The following FBN2 variants were observed in gnomAD, a reference collection of about 807,000 sequenced individuals.
FBN2 encodes the protein fibrillin 2.
A neutral mutation model predicts 355.6 loss-of-function variants in FBN2; 105 were observed. The ratio of observed to expected loss-of-function variants is 0.30; its 90% confidence interval spans 0.25 to 0.35. The LOEUF is 0.35. Ranked by LOEUF, FBN2 falls within the 10% of genes least tolerant of loss-of-function variation. FBN2 has a pLI of 1.00. For missense variants in FBN2, 3,280 were observed against 3,758.7 expected (o/e 0.87, Z 3.33); for synonymous variants, 1,350 against 1,301.2 (o/e 1.04, Z -0.81).
At chr5:128,412,991 G>C (rs1211462805) in intron 7 of FBN2, among the ~76,000 whole-genome samples, 1 of 152,168 alleles carries the variant, frequency 6.6e-6, no homozygotes, top group Non-Finnish European at 1.5e-5. Context: ...CTACTATTTT[G>C]ATTGACAAGG....
At position 128,350,864 on chromosome 5, in the gene FBN2, C is replaced by T. The variant is rs1751336167; in HGVS notation, c.2812+4G>A. The T allele has an allele frequency of 2.5e-6, 4 of 1,613,986 alleles. No individual in the cohort carries two copies. In the African/African-American group the frequency reaches 4.0e-5, roughly 16 times the overall value. ...AGCCCAGAAGCTCCCAATAAGGCTCCTACCTAGTTCACACCGCTCACAGGG... is the reference window on the plus strand; with the variant it reads ...AGCCCAGAAGCTCCCAATAAGGCTCTTACCTAGTTCACACCGCTCACAGGG... On this transcript the variant is annotated splice_donor_region_variant and intron_variant, in intron 21 of 64. Transcript: ENST00000262464.
At chr5:128,434,818 C>A (rs1753733620) in intron 7 of FBN2, among the ~76,000 whole-genome samples, 1 of 151,980 alleles carries the variant, frequency 6.6e-6, no homozygotes, top group South Asian at 2.1e-4. Flanking sequence ...ATTTCAGATA[C>A]CTTTTTCCTC....
chr5:128,508,235 A>G (rs1446117872), intron 5 of FBN2, among the ~76,000 whole-genome samples: 1 of 151,976 alleles, frequency 6.6e-6, no homozygotes, highest in Non-Finnish European at 1.5e-5. Flanking sequence ...TTATCTTTCA[A>G]TTGGAGTGTT....
At chr5:128,320,414 A>G (rs1409654677) in intron 34 of FBN2, among the ~76,000 whole-genome samples, 2 of 152,008 alleles carry the variant, frequency 1.3e-5, no homozygotes, top group African/African-American at 2.4e-5. Flanking sequence ...GGGTCTCCCT[A>G]TGTGGCCTAG....
At chr5:128,453,993 C>G (rs1011437108) in intron 6 of FBN2, among the ~76,000 whole-genome samples, 6 of 150,072 alleles carry the variant, frequency 4.0e-5, no homozygotes, top group African/African-American at 9.7e-5. Context: ...ATGGCTTGCC[C>G]CCCCCCCAAG....
At chr5:128,385,065 C>A (rs1042563069) in intron 11 of FBN2, among the ~76,000 whole-genome samples, 6 of 152,032 alleles carry the variant, frequency 3.9e-5, no homozygotes, top group African/African-American at 1.2e-4. Flanking sequence ...TTCTTTCCAA[C>A]TTTTATTTTA....
intron 11 of FBN2, among the ~76,000 whole-genome samples, chr5:128,380,508 C>A (rs1351840224): frequency 6.6e-6 from 1 of 152,052 alleles, no homozygotes; most frequent in East Asian, 1.9e-4. Context: ...GTTACTATGG[C>A]AGCTCTGTCA....
At chr5:128,380,036 T>A (rs1752188247) in intron 11 of FBN2, among the ~76,000 whole-genome samples, 1 of 151,974 alleles carries the variant, frequency 6.6e-6, no homozygotes, top group Non-Finnish European at 1.5e-5. Context: ...CCCCTTCTGG[T>A]AAAGGAAATA....
At position 128,535,996 on chromosome 5, in the gene FBN2, A is replaced by G. The variant is rs1756835594; in HGVS notation, c.337+406T>C. 3.9e-5 allele frequency among the ~76,000 whole-genome samples: 6 copies of G among 152,282 alleles called. No homozygotes were observed. The South Asian group carries it at 1.2e-3, about 32-fold the overall frequency. On this transcript the variant is annotated intron_variant, in intron 2 of 64. Transcript: ENST00000262464. ...AAATGCCTAAGAAATCTTGATCTTC[A>G]TAAGGCCCAAACCTCAAGCAGAGTT...
At chr5:128,380,072 C>T (rs974090243) in intron 11 of FBN2, among the ~76,000 whole-genome samples, 2 of 151,954 alleles carry the variant, frequency 1.3e-5, no homozygotes, top group African/African-American at 2.4e-5. Flanking sequence ...AAAATAAAAA[C>T]AACAAAGAAT....
chr5:128,351,660 T>A (rs775687788), intron 20 of FBN2, among the ~76,000 whole-genome samples: 15 of 152,140 alleles, frequency 9.9e-5, no homozygotes, highest in Non-Finnish European at 1.9e-4. Flanking sequence ...ACTATGTATC[T>A]CTCTCACATA....
chr5:128,445,195 A>G (rs1207017272), intron 7 of FBN2, among the ~76,000 whole-genome samples: 6 of 152,184 alleles, frequency 3.9e-5, no homozygotes, highest in African/African-American at 1.4e-4. Flanking sequence ...TCTTGTAAAC[A>G]ATTTCACAGA....
chr5:128,510,794 C>T (rs1017080674), intron 5 of FBN2, among the ~76,000 whole-genome samples: 1 of 152,116 alleles, frequency 6.6e-6, no homozygotes, highest in Non-Finnish European at 1.5e-5. Flanking sequence ...TATCAGTACT[C>T]ATATTGAACT....
chr5:128,510,299 C>T (rs1052090649), intron 5 of FBN2, among the ~76,000 whole-genome samples: 18 of 152,200 alleles, frequency 1.2e-4, no homozygotes, highest in African/African-American at 1.7e-4. Flanking sequence ...AGAAAGTTTA[C>T]GAATTTGTGT....
intron 6 of FBN2, among the ~76,000 whole-genome samples, chr5:128,451,738 A>T (rs1174668761): frequency 1.3e-5 from 2 of 152,168 alleles, no homozygotes; most frequent in African/African-American, 2.4e-5. Flanking sequence ...TCCCACTCTC[A>T]TTACAGTGTG....
Position 128,519,384 on chromosome 5 carries a change from G to A in FBN2, c.533-16C>T. 6.2e-7 allele frequency: 1 copy of A among 1,603,992 alleles called. No individual in the cohort carries two copies. Among genetic ancestry groups the A allele is most frequent in the Non-Finnish European group, 8.5e-7 (1 of 1,171,086 alleles). ...TCACAGACAGCTGCATACAAAAATA[G>A]CAAGAAGCTCATTATATAGCCAGTC... On this transcript the variant is annotated splice_polypyrimidine_tract_variant and intron_variant, in intron 4 of 64. Coordinates refer to ENST00000262464, the MANE Select transcript of FBN2 (RefSeq NM_001999.4).
intron 8 of FBN2, among the ~76,000 whole-genome samples, chr5:128,395,658 G>C (rs1752631518): frequency 6.6e-6 from 1 of 152,206 alleles, no homozygotes; most frequent in South Asian, 2.1e-4. Context: ...ACCTGAAACA[G>C]TGACATTTGA....
In FBN2 at chr5:128,505,061, G is replaced by A. The variant is rs1021774679; in HGVS notation, c.628+14212C>T. On this transcript the variant is annotated intron_variant, in intron 5 of 64. Transcript: ENST00000262464. ...TCCTACACAAGCTCTCTTTCCTGCC[G>A]CCATTTAAGATGTGATTCTGCTCCT... 5.9e-5 allele frequency among the ~76,000 whole-genome samples: 9 copies of A among 152,214 alleles called. No homozygotes were observed. The South Asian group carries it at 6.2e-4, about 11-fold the overall frequency.
intron 11 of FBN2, among the ~76,000 whole-genome samples, chr5:128,382,075 T>C (rs749522736): frequency 6.6e-5 from 10 of 152,176 alleles, no homozygotes; most frequent in Middle Eastern, 3.4e-3. Flanking sequence ...TCAAATCTGT[T>C]ATTTAGGGTT....
Sources: allele counts gnomAD v4.1 joint callset (sites outside exome capture counted in the v4.1 genomes callset), GRCh38; gene constraint gnomAD v4.1.1; transcripts MANE v1.5; gene names NCBI Gene and HGNC (gene_info 2026-07-23, HGNC 2026-07-21).